Variants in POP1 observed in about 807,000 individuals in gnomAD.
POP1 encodes ribonucleases P/MRP protein subunit POP1.
A neutral mutation model predicts 102.2 loss-of-function variants in POP1; 75 were observed. The ratio of observed to expected loss-of-function variants is 0.73; its 90% CI spans 0.61 to 0.89. POP1 has a LOEUF of 0.89. Among genes scored for constraint, POP1 ranks in the 40% least tolerant of loss-of-function variants. POP1 has a pLI of 0.00. For missense variants in POP1, 1,116 were observed against 1,267.4 expected (o/e 0.88, Z 1.81); for synonymous variants, 436 against 464.1 (o/e 0.94, Z 0.78).
At chr8:98,124,597 T>C (rs929926786) in intron 2 of POP1, among the ~76,000 whole-genome samples, 1 of 151,786 alleles carries the variant, frequency 6.6e-6, no homozygotes, top group East Asian at 1.9e-4. Context: ...CTATGTGAGA[T>C]GAAGATATGT....
At chr8:98,121,745 C>T (rs376259380) in intron 1 of POP1, among the ~76,000 whole-genome samples, 22 of 151,316 alleles carry the variant, frequency 1.5e-4, no homozygotes, top group African/African-American at 4.9e-4. Flanking sequence ...TGCAGTGGCA[C>T]GATCTGGGCT....
chr8:98,150,591 T>C lies in POP1; in HGVS notation c.2009T>C (p.Met670Thr), dbSNP rs761440116. ...GATTTTCCAGACTGCCCTGCCGGGATGCTGTTTGCGGAAGAGCAAGCTAAG... is the reference window on the plus strand; with the variant it reads ...GATTTTCCAGACTGCCCTGCCGGGACGCTGTTTGCGGAAGAGCAAGCTAAG... ...PGDFPDCPAG[M>T]LFAEEQAKNL... The change falls in exon 14 of 16, where the codon ATG becomes ACG. Residue 670 changes from methionine (M) to threonine (T), a missense_variant. Coordinates refer to ENST00000401707, the MANE Select transcript of POP1 (RefSeq NM_001145860.2). The C allele has an allele frequency of 2.2e-5, 36 of 1,614,130 alleles. No homozygotes were observed. Among genetic ancestry groups the C allele is most frequent in the Non-Finnish European group, 2.9e-5 (34 of 1,180,060 alleles).
At chr8:98,136,772 A>C in intron 8 of POP1, 34 bp downstream of exon 8, 1 of 1,612,368 alleles carries the variant, frequency 6.2e-7, no homozygotes, top group Non-Finnish European at 8.5e-7. Context: ...CCTACTGAAC[A>C]TTTTCAGTGA....
At chr8:98,135,937 T>C (rs1404061680) in intron 7 of POP1, among the ~76,000 whole-genome samples, 2 of 152,150 alleles carry the variant, frequency 1.3e-5, no homozygotes, top group African/African-American at 4.8e-5. Context: ...ACTCCTGGGC[T>C]GAAGCCATCC....
chr8:98,134,172 A>G, intron 6 of POP1, 136 bp downstream of exon 6: 1 of 755,468 alleles, frequency 1.3e-6, no homozygotes, highest in South Asian at 1.6e-5. Context: ...CCCAATGAAA[A>G]TGTTAACTTA....
chr8:98,148,943 C>G lies in POP1; in HGVS notation c.1839C>G (p.Gly613=). 1 of 1,613,826 alleles carries G rather than the reference C, an allele frequency of 6.2e-7. No individual in the cohort carries two copies. Among genetic ancestry groups the G allele is most frequent in the Non-Finnish European group, 8.5e-7 (1 of 1,179,840 alleles). The change falls in exon 13 of 16, where the codon GGC becomes GGG. Residue 613 remains glycine (G), a synonymous_variant. Transcript: ENST00000401707. ...PGKVTGEDRL[G]WGSGWDVLLP... is the part of the protein sequence containing the mutation. ...AAGTGACTGGTGAAGATCGACTAGG[C>G]TGGGGAAGTGGCTGGGATGTCCTAC... is the stretch of plus-strand genomic sequence containing the variant.
chr8:98,148,849 C>T lies in POP1; in HGVS notation c.1745C>T (p.Pro582Leu). The T allele has an allele frequency of 6.2e-7, 1 of 1,613,748 alleles. No individual in the cohort carries two copies. ...LNRMRSELLV[P>L]GSQLILGPHE... The stretch of plus-strand genomic sequence containing the variant: ...CGGATGAGGAGTGAATTGCTGGTGC[C>T]TGGGTCACAGCTTATTTTAGGTCCC... Residue 582 changes from proline (P) to leucine (L), a missense_variant, in exon 13 of 16, where the codon CCT becomes CTT. Physicochemically the swap from Pro to Leu is moderately conservative, Grantham distance 98. Transcript: ENST00000401707.
intron 11 of POP1, among the ~76,000 whole-genome samples, chr8:98,143,512 C>T (rs1816762530): frequency 6.6e-6 from 1 of 152,084 alleles, no homozygotes; most frequent in South Asian, 2.1e-4. Flanking sequence ...GACATTAACA[C>T]ATCATTATCA....
chr8:98,117,478 C>T (rs1815875183), intron 1 of POP1, 88 bp downstream of exon 1: 1 of 259,392 alleles, frequency 3.9e-6, no homozygotes. Flanking sequence ...CGTCTCCCCT[C>T]TTCATCGTTT....
intron 3 of POP1, 80 bp from the exon 4 acceptor site, chr8:98,128,285 T>TA: frequency 7.1e-7 from 1 of 1,400,698 alleles, no homozygotes; most frequent in South Asian, 1.2e-5. Context: ...GGAATTCAGT[T>TA]AAGTTTCCCC....
Position 98,130,240 on chromosome 8 carries a change from G to A in POP1, c.735+14G>A. 1 of 1,614,088 alleles carries A rather than the reference G, an allele frequency of 6.2e-7. No individual in the cohort carries two copies. The highest frequency in any genetic ancestry group is 1.1e-5 in the South Asian group (1 of 91,074). On this transcript the variant is annotated intron_variant, in intron 5 of 15. Transcript: ENST00000401707. ...TGCCTCCTGCAGGTGAGCTTTTCCA[G>A]TGGGCTTTTTTTGTTATTTTTGTTT...
At chr8:98,134,369 C>G in intron 6 of POP1, 103 bp from the exon 7 acceptor site, 5 of 1,221,166 alleles carry the variant, frequency 4.1e-6, no homozygotes, top group Non-Finnish European at 6.0e-6. Flanking sequence ...ACCAAAACTT[C>G]ACCTCTCATG....
chr8:98,130,014 A>G lies in POP1; in HGVS notation c.523A>G (p.Lys175Glu), dbSNP rs766438022. Residue 175 changes from lysine to glutamate, a missense_variant, in exon 5 of 16, where the codon AAA (lysine) becomes GAA (glutamate). Lys to Glu is a moderately conservative substitution (Grantham distance 56, BLOSUM62 1). Coordinates refer to ENST00000401707, the MANE Select transcript of POP1 (RefSeq NM_001145860.2). Reference sequence around the variant, plus strand: ...CGTACATCAGAAAAAAGAACATTCAAAAAATAAATGCCATAAAGCTCGAAG... The same window carrying G: ...CGTACATCAGAAAAAAGAACATTCAGAAAATAAATGCCATAAAGCTCGAAG... ...KAVHQKKEHS[K>E]NKCHKARRCH... The G allele has an allele frequency of 1.2e-6, 2 of 1,614,138 alleles. No homozygotes were observed. The highest frequency in any genetic ancestry group is 2.2e-5 in the South Asian group (2 of 91,084).
chr8:98,144,102 G>A (rs1205491205), intron 11 of POP1, among the ~76,000 whole-genome samples: 1 of 151,964 alleles, frequency 6.6e-6, no homozygotes, highest in African/African-American at 2.4e-5. Flanking sequence ...GCTGCAGTGA[G>A]CTGAGATCGC....
intron 7 of POP1, among the ~76,000 whole-genome samples, chr8:98,135,258 A>G (rs528016338): frequency 6.6e-6 from 1 of 152,068 alleles, no homozygotes; most frequent in Non-Finnish European, 1.5e-5. Flanking sequence ...AGCCTGGGTG[A>G]CAGTGAGACC....
rs1809701330 is a variant in POP1 at position 98,157,976 on chromosome 8, C to T, written c.2780C>T (p.Ser927Phe). 6.2e-7 allele frequency: 1 copy of T among 1,613,436 alleles called. No individual in the cohort carries two copies. Among genetic ancestry groups the T allele is most frequent in the East Asian group, 2.2e-5 (1 of 44,894 alleles). ...REKRQKPGRA[S>F]SDGPAGEEPV... is the part of the protein sequence containing the mutation. ...AAGAGGCAGAAGCCAGGACGTGCCT[C>T]TTCTGATGGCCCGGCGGGGGAAGAG... The change falls in exon 16 of 16, where the codon TCT becomes TTT. Residue 927 changes from serine (S) to phenylalanine (F), a missense_variant. Physicochemically the swap from Ser to Phe is radical, Grantham distance 155. Coordinates refer to ENST00000401707, the MANE Select transcript of POP1 (RefSeq NM_001145860.2).
chr8:98,136,936 A>G lies in POP1; in HGVS notation c.1344A>G (p.Lys448=). The G allele has an allele frequency of 1.2e-6, 2 of 1,608,584 alleles. No homozygotes were observed. The highest frequency in any genetic ancestry group is 1.7e-6 in the Non-Finnish European group (2 of 1,174,912). The change falls in exon 9 of 16, where the codon AAA becomes AAG. Residue 448 remains lysine (K), a synonymous_variant. Coordinates refer to ENST00000401707, the MANE Select transcript of POP1 (RefSeq NM_001145860.2). ...ACTCCATCCTAACTGAAGCAATAAA[A>G]GCTGCTTCTGTCCACACTGTAAGAG... ...LSHSILTEAI[K]AASVHTVGED...
intron 11 of POP1, among the ~76,000 whole-genome samples, chr8:98,144,787 G>A (rs1816800262): frequency 6.6e-6 from 1 of 152,182 alleles, no homozygotes; most frequent in Admixed American, 6.5e-5. Context: ...CAGGCCATGT[G>A]AACTTGCAGC....
At chr8:98,142,270 T>C (rs1441334256) in intron 11 of POP1, among the ~76,000 whole-genome samples, 1 of 152,164 alleles carries the variant, frequency 6.6e-6, no homozygotes, top group Non-Finnish European at 1.5e-5. Context: ...AAAAACGTGA[T>C]TTAATTTGAC....
Sources: gnomAD v4.1 joint callset for allele counts (sites outside exome capture counted in the v4.1 genomes callset) on GRCh38, gnomAD v4.1.1 for gene constraint, MANE v1.5 for transcripts, NCBI Gene and HGNC (gene_info 2026-07-23, HGNC 2026-07-21) for gene names.